Variants in SYPL2 observed in about 807,000 individuals in gnomAD.
SYPL2 encodes synaptophysin-like protein 2.
Under a neutral mutation model 31.3 loss-of-function variants are expected in SYPL2, and 24 were observed. The observed-to-expected ratio is 0.77, with a 90% CI of 0.56 to 1.08. The LOEUF (loss-of-function observed/expected upper bound fraction) is 1.08. Ranked by LOEUF, SYPL2 falls within the 50% of genes least tolerant of loss-of-function variation. The pLI is 0.00. For missense variants in SYPL2, 342 were observed against 360.1 expected (o/e 0.95, Z 0.41); for synonymous variants, 144 against 143.1 (o/e 1.01, Z -0.05).
chr1:109,472,731 C>A (rs1655872795), intron 2 of SYPL2, among the ~76,000 whole-genome samples: 1 of 151,020 alleles, frequency 6.6e-6, no homozygotes, highest in Admixed American at 6.6e-5. Flanking sequence ...TCCCCATCAG[C>A]CTCCTGAGTA....
At chr1:109,471,233 T>C (rs956160506) in intron 2 of SYPL2, among the ~76,000 whole-genome samples, 25 of 152,240 alleles carry the variant, frequency 1.6e-4, no homozygotes, top group African/African-American at 6.0e-4. Flanking sequence ...TGCTGTTCTG[T>C]GAACCTGTGA....
rs1395813984 is a variant in SYPL2 at position 109,480,384 on chromosome 1, G to A, written c.*836G>A. 2 of 152,106 alleles carry A rather than the reference G, an allele frequency of 1.3e-5. No homozygotes were observed. Among genetic ancestry groups the A allele is most frequent in the African/African-American group, 4.8e-5 (2 of 41,330 alleles). The allele number at this position is 152,106 out of a possible 1,614,324, so 9.4% of individuals were successfully genotyped here. ...ATCTTCCTCCCTGTCCTCCTTCTTG[G>A]TCTCACACTTGGGACTCAAAAATGT... is the stretch of plus-strand genomic sequence containing the variant. On this transcript the variant is annotated 3_prime_UTR_variant, in exon 6 of 6. Transcript: ENST00000369872.
Position 109,476,786 on chromosome 1 carries a change from A to C in SYPL2, c.265A>C (p.Ile89Leu). 6.2e-7 allele frequency: 1 copy of C among 1,614,048 alleles called. No individual in the cohort carries two copies. Among genetic ancestry groups the C allele is most frequent in the African/African-American group, 1.3e-5 (1 of 75,022 alleles). The change falls in exon 4 of 6, where the codon ATC becomes CTC. Residue 89 changes from isoleucine to leucine, a missense_variant. Ile to Leu is a conservative substitution (Grantham distance 5). Coordinates refer to ENST00000369872, the MANE Select transcript of SYPL2 (RefSeq NM_001040709.2). ...AFGYPFRLHR[I>L]QYEMPLCDEE... is the part of the protein sequence containing the mutation. The stretch of plus-strand genomic sequence containing the variant: ...CCCTGCCACCTGCAGGTTGCACCGG[A>C]TCCAATATGAGATGCCCCTCTGCGA...
chr1:109,476,708 G>T, intron 3 of SYPL2, 68 bp from the exon 4 acceptor site: 1 of 1,513,298 alleles, frequency 6.6e-7, no homozygotes, highest in South Asian at 1.2e-5. Context: ...AACTAGCACA[G>T]GACTACTTCT....
chr1:109,468,871 C>A (rs1655738902), intron 2 of SYPL2, among the ~76,000 whole-genome samples: 1 of 152,124 alleles, frequency 6.6e-6, no homozygotes, highest in Non-Finnish European at 1.5e-5. Flanking sequence ...GGGGTCAGCA[C>A]TAATGACCTA....
intron 3 of SYPL2, 59 bp from the exon 4 acceptor site, chr1:109,476,717 C>T: frequency 1.3e-6 from 2 of 1,557,284 alleles, no homozygotes; most frequent in Admixed American, 1.8e-5. Context: ...AGGACTACTT[C>T]TGGGCCAGGG....
Position 109,476,908 on chromosome 1 carries a change from C to T in SYPL2, c.387C>T (p.Thr129=). The T allele has an allele frequency of 1.2e-6, 2 of 1,614,232 alleles. No homozygotes were observed. The highest frequency in any genetic ancestry group is 1.3e-5 in the African/African-American group (1 of 75,046). ...VTLGIFSFFY[T]MAALVIYLRF... ...TTGGCATCTTTTCCTTCTTCTATAC[C>T]ATGGCTGCCCTAGTTATCTACCTGC... Residue 129 remains threonine (T), a synonymous_variant, in exon 4 of 6, where the codon ACC becomes ACT. Transcript: ENST00000369872.
Position 109,478,115 on chromosome 1 carries a change from C to A in SYPL2, c.648+106C>A. On this transcript the variant is annotated intron_variant, in intron 5 of 5. Transcript: ENST00000369872. This position sits in a 1 kb window ranked among gnomAD's most constrained non-coding sequence, Gnocchi z 4.0. ...GAGAGGGTGTCCCAGAGCTGGTGTC[C>A]CCTGCACCTGGAGCTGGTGCCCTCA... is the stretch of plus-strand genomic sequence containing the variant. 3 of 1,493,950 alleles carry A rather than the reference C, an allele frequency of 2.0e-6. 1 individual carries two copies. In the South Asian group the frequency reaches 3.8e-5, roughly 19 times the overall value. The allele number at this position is 1,493,950 out of a possible 1,614,324, so 92.5% of individuals were successfully genotyped here. A position where few individuals can be genotyped will look rare whatever the true frequency, so the allele number is the denominator to read the frequency against.
intron 4 of SYPL2, 81 bp from the exon 5 acceptor site, chr1:109,477,737 C>T: frequency 6.5e-7 from 1 of 1,530,636 alleles, no homozygotes; most frequent in South Asian, 1.3e-5. Flanking sequence ...CTGGGATTGC[C>T]AGTATCATGG....
Position 109,478,096 on chromosome 1 carries a change from G to A in SYPL2, c.648+87G>A, listed in dbSNP as rs746360563. 2.0e-5 allele frequency: 30 copies of A among 1,535,742 alleles called. No individual in the cohort carries two copies. Among genetic ancestry groups the A allele is most frequent in the Non-Finnish European group, 2.3e-5 (26 of 1,142,288 alleles). ...AGCAGGTCCTGAAAGGAAAGAGAGG[G>A]TGTCCCAGAGCTGGTGTCCCCTGCA... On this transcript the variant is annotated intron_variant, in intron 5 of 5. Coordinates refer to ENST00000369872, the MANE Select transcript of SYPL2 (RefSeq NM_001040709.2). The surrounding 1 kb of genome is among the most constrained non-coding windows in gnomAD (Gnocchi z 4.0).
chr1:109,477,729 G>T, intron 4 of SYPL2, 89 bp from the exon 5 acceptor site: 1 of 1,520,420 alleles, frequency 6.6e-7, no homozygotes, highest in South Asian at 1.3e-5. Flanking sequence ...CTGGCACCCT[G>T]GGATTGCCAG....
chr1:109,479,208 T>C (rs889974526), intron 5 of SYPL2, among the ~76,000 whole-genome samples, 170 bp from the exon 6 acceptor site: 1 of 152,226 alleles, frequency 6.6e-6, no homozygotes, highest in East Asian at 1.9e-4. Context: ...CCCTAAACAG[T>C]TGATGGTCCT....
Position 109,481,675 on chromosome 1 carries a change from T to G in SYPL2, c.*2127T>G, listed in dbSNP as rs1262062001. On this transcript the variant is annotated 3_prime_UTR_variant, in exon 6 of 6. Coordinates refer to ENST00000369872, the MANE Select transcript of SYPL2 (RefSeq NM_001040709.2). ...TTAGAGCAAGGAAGCCTCGTTCTCTTTCTTCTCAAGAGGCTCTCTTGTTCT... is the reference window on the plus strand; with the variant it reads ...TTAGAGCAAGGAAGCCTCGTTCTCTGTCTTCTCAAGAGGCTCTCTTGTTCT... The G allele has an allele frequency of 6.6e-6, 1 of 152,004 alleles. No individual in the cohort carries two copies. Among genetic ancestry groups the G allele is most frequent in the Non-Finnish European group, 1.5e-5 (1 of 68,018 alleles). 9.4% of individuals were successfully genotyped at this position (152,004 alleles called of 1,614,324 possible). A position where few individuals can be genotyped will look rare whatever the true frequency, so the allele number is the denominator to read the frequency against.
chr1:109,469,596 A>C (rs1028860663), intron 2 of SYPL2, among the ~76,000 whole-genome samples: 17 of 151,962 alleles, frequency 1.1e-4, no homozygotes, highest in Non-Finnish European at 2.9e-5. Context: ...AAAAAGACAC[A>C]CTTTGGGAGG....
rs1656068936 is a variant in SYPL2 at position 109,478,582 on chromosome 1, C to A, written c.648+573C>A. On this transcript the variant is annotated intron_variant, in intron 5 of 5. Transcript: ENST00000369872. The surrounding 1 kb of genome is among the most constrained non-coding windows in gnomAD (Gnocchi z 4.0). ...CAAATGCTGCCCGTCATCCCAGCCA[C>A]CTCAGCCCTGCTCTGAAAATGACTT... 6.6e-6 allele frequency among the ~76,000 whole-genome samples: 1 copy of A among 152,218 alleles called. No homozygotes were observed. The highest frequency in any genetic ancestry group is 1.5e-5 in the Non-Finnish European group (1 of 68,048).
At chr1:109,469,093 C>T (rs542622327) in intron 2 of SYPL2, among the ~76,000 whole-genome samples, 2 of 152,308 alleles carry the variant, frequency 1.3e-5, no homozygotes, top group African/African-American at 4.8e-5. Flanking sequence ...GTTTCACTTG[C>T]TTTGAAGCTC....
At chr1:109,467,346 C>T (rs1398571883) in intron 2 of SYPL2, among the ~76,000 whole-genome samples, 7 of 152,130 alleles carry the variant, frequency 4.6e-5, no homozygotes, top group Non-Finnish European at 1.5e-5. Context: ...TGCGGAGTCC[C>T]GGATTCGGTC....
intron 2 of SYPL2, among the ~76,000 whole-genome samples, chr1:109,474,318 CTTTTCTTT>C (rs1655929040): frequency 8.4e-6 from 1 of 119,448 alleles, no homozygotes; most frequent in Non-Finnish European, 1.7e-5. Context: ...CTTTTCTTTT[CTTTTCTTT>C]TTTTTTTTTT....
At chr1:109,477,625 G>C (rs1260964781) in intron 4 of SYPL2, among the ~76,000 whole-genome samples, 193 bp from the exon 5 acceptor site, 1 of 152,174 alleles carries the variant, frequency 6.6e-6, no homozygotes, top group Non-Finnish European at 1.5e-5. Flanking sequence ...AGCAGGGCTA[G>C]CCTGAGTGGC....
Sources: allele counts gnomAD v4.1 joint callset (sites outside exome capture counted in the v4.1 genomes callset), GRCh38; gene constraint gnomAD v4.1.1; non-coding constraint Gnocchi (gnomAD v3.1); transcripts MANE v1.5; gene names NCBI Gene and HGNC (gene_info 2026-07-23, HGNC 2026-07-21).